The following SMYD3 variants were observed in gnomAD, a reference collection of about 807,000 sequenced individuals.
SMYD3 encodes the protein SET and MYND domain containing 3.
A neutral mutation model predicts 57.7 loss-of-function variants in SMYD3; 36 were observed. The observed-to-expected ratio is 0.62, with a 90% CI of 0.48 to 0.82. The LOEUF is 0.82. Ranked by LOEUF, SMYD3 falls within the 40% of genes least tolerant of loss-of-function variation. The probability of loss-of-function intolerance (pLI) is 0.00; values close to 1 mark genes in which losing one functional copy is unlikely to be tolerated. For synonymous variants in SMYD3, 211 were observed against 195.0 expected (o/e 1.08, Z -0.68); for missense variants, 515 against 538.8 (o/e 0.96, Z 0.44).
chr1:245,788,492 T>C (rs2047140208), intron 10 of SMYD3, among the ~76,000 whole-genome samples: 1 of 152,150 alleles, frequency 6.6e-6, no homozygotes, highest in Non-Finnish European at 1.5e-5. Flanking sequence ...TTCCAATTAT[T>C]GAAATGAATC....
chr1:245,812,866 A>G (rs1468078633), intron 10 of SMYD3, among the ~76,000 whole-genome samples: 1 of 151,966 alleles, frequency 6.6e-6, no homozygotes, highest in African/African-American at 2.4e-5. Flanking sequence ...CTTCTTTGGA[A>G]AAATACAGAC....
At chr1:245,946,553 C>T (rs1335307115) in intron 5 of SMYD3, among the ~76,000 whole-genome samples, 8 of 152,148 alleles carry the variant, frequency 5.3e-5, no homozygotes, top group African/African-American at 4.8e-5. Context: ...ACTCAACAGA[C>T]GCTTCTGAGG....
At chr1:245,757,226 A>G (rs1419626312) in intron 11 of SMYD3, among the ~76,000 whole-genome samples, 3 of 152,060 alleles carry the variant, frequency 2.0e-5, no homozygotes, top group Non-Finnish European at 4.4e-5. Context: ...ATATAAGTGG[A>G]ATAATATGAT....
intron 5 of SMYD3, among the ~76,000 whole-genome samples, chr1:246,159,511 C>T (rs1488978253): frequency 6.6e-6 from 1 of 151,930 alleles, no homozygotes; most frequent in Non-Finnish European, 1.5e-5. Context: ...TACAGTAAAG[C>T]TAAGGAAGTT....
intron 5 of SMYD3, among the ~76,000 whole-genome samples, chr1:246,259,475 T>C (rs2063959943): frequency 6.6e-6 from 1 of 152,156 alleles, no homozygotes; most frequent in Admixed American, 6.5e-5. Flanking sequence ...TTATTTTGGG[T>C]AAGATCTATT....
rs66978528 is a variant in SMYD3, at chr1:245,867,666, G to GCACACACACACACA, written c.814-3781_814-3780insTGTGTGTGTGTGTG. ...TGCATGCGCGTGCGTGTGCGTGCGC[G>GCACACACACACACA]CGCACACACACACACACACACACTC... On this transcript the variant is annotated intron_variant, in intron 8 of 11. Transcript: ENST00000490107. Among the ~76,000 whole-genome samples, 3 of 139,824 alleles carry GCACACACACACACA rather than the reference G, an allele frequency of 2.1e-5. No individual in the cohort carries two copies. In the East Asian group the frequency reaches 6.0e-4, roughly 28 times the overall value. The allele number at this position is 139,824 out of a possible 152,430, so 91.7% of individuals were successfully genotyped here. A position where few individuals can be genotyped will look rare whatever the true frequency, so the allele number is the denominator to read the frequency against.
chr1:245,933,054 C>CT (rs1162579232), intron 5 of SMYD3, among the ~76,000 whole-genome samples: 3 of 151,826 alleles, frequency 2.0e-5, no homozygotes, highest in Non-Finnish European at 2.9e-5. Context: ...AGCTCTCTGG[C>CT]TTTTTTTTAG....
intron 5 of SMYD3, among the ~76,000 whole-genome samples, chr1:246,127,964 G>A (rs2061533714): frequency 6.6e-6 from 1 of 151,668 alleles, no homozygotes; most frequent in Admixed American, 6.6e-5. Flanking sequence ...TAAAATGAGT[G>A]TAAACATAGA....
At chr1:246,281,595 C>A (rs1349415180) in intron 5 of SMYD3, among the ~76,000 whole-genome samples, 1 of 152,192 alleles carries the variant, frequency 6.6e-6, no homozygotes, top group Non-Finnish European at 1.5e-5. Context: ...TCTGTATCCT[C>A]AGAACCTCAT....
chr1:246,281,687 CT>C (rs1334319124), intron 5 of SMYD3, among the ~76,000 whole-genome samples: 7 of 152,078 alleles, frequency 4.6e-5, no homozygotes, highest in Non-Finnish European at 1.0e-4. Flanking sequence ...AAGAATGTAG[CT>C]ACTAAATACA....
At chr1:245,831,948 G>GT (rs1241454999) in intron 10 of SMYD3, among the ~76,000 whole-genome samples, 2 of 152,216 alleles carry the variant, frequency 1.3e-5, no homozygotes, top group African/African-American at 2.4e-5. Context: ...AGTACAGTTT[G>GT]TTTTTTCTCT....
At chr1:246,387,473 A>C (rs558051555) in intron 1 of SMYD3, among the ~76,000 whole-genome samples, 1 of 152,368 alleles carries the variant, frequency 6.6e-6, no homozygotes, top group South Asian at 2.1e-4. Flanking sequence ...TTCATCCCAC[A>C]GATATTTGTT....
intron 5 of SMYD3, among the ~76,000 whole-genome samples, chr1:246,169,532 C>G (rs56041192): frequency 0.073 from 11,142 of 151,944 alleles, 593 homozygotes; most frequent in African/African-American, 0.14. Flanking sequence ...CTTGCTTGTC[C>G]CAGATCACAG....
intron 5 of SMYD3, among the ~76,000 whole-genome samples, chr1:246,007,145 C>T (rs1244181462): frequency 6.6e-6 from 1 of 152,194 alleles, no homozygotes; most frequent in Non-Finnish European, 1.5e-5. Flanking sequence ...GCCTGACATC[C>T]TTCTCTAGGG....
At chr1:245,999,771 G>A (rs923625214) in intron 5 of SMYD3, among the ~76,000 whole-genome samples, 5 of 152,152 alleles carry the variant, frequency 3.3e-5, no homozygotes, top group African/African-American at 1.2e-4. Flanking sequence ...GGATACTACT[G>A]ATCTTTTAGG....
rs192732087 is a variant in SMYD3, at chr1:246,446,710, T to C, written c.164+60344A>G. ...TGACACTGTTAAAAGGAGTTGTCTA[T>C]TACTGCAGGAACACGGTAATTTAGA... On this transcript the variant is annotated intron_variant, in intron 1 of 11. Coordinates refer to ENST00000490107, the MANE Select transcript of SMYD3 (RefSeq NM_001167740.2). Among the ~76,000 whole-genome samples the C allele has an allele frequency of 7.7e-4, 117 of 152,274 alleles. 1 individual carries two copies. Among genetic ancestry groups the C allele is most frequent in the African/African-American group, 2.6e-3 (110 of 41,550 alleles).
At chr1:246,207,393 T>C (rs1489587990) in intron 5 of SMYD3, among the ~76,000 whole-genome samples, 1 of 152,156 alleles carries the variant, frequency 6.6e-6, no homozygotes, top group Admixed American at 6.5e-5. Flanking sequence ...AGGTTAATCT[T>C]AGTTTGTGAG....
At chr1:245,989,881 T>C (rs1399697878) in intron 5 of SMYD3, among the ~76,000 whole-genome samples, 1 of 152,214 alleles carries the variant, frequency 6.6e-6, no homozygotes. Flanking sequence ...ATCCTATAGA[T>C]GCCCTGACCT....
chr1:246,394,172 T>A (rs1173958040), intron 1 of SMYD3, among the ~76,000 whole-genome samples: 1 of 152,222 alleles, frequency 6.6e-6, no homozygotes, highest in Non-Finnish European at 1.5e-5. Flanking sequence ...AATAAGTACC[T>A]AAAATATTAG....
Sources: allele counts gnomAD v4.1 joint callset (sites outside exome capture counted in the v4.1 genomes callset), GRCh38; gene constraint gnomAD v4.1.1; transcripts MANE v1.5; gene names NCBI Gene and HGNC (gene_info 2026-07-23, HGNC 2026-07-21).